CA10: variants seen among roughly 807,000 people sequenced by gnomAD.
CA10 encodes carbonic anhydrase-related protein 10.
Under a neutral mutation model 44.2 loss-of-function variants are expected in CA10, and 14 were observed. The ratio of observed to expected loss-of-function variants is 0.32; its 90% confidence interval spans 0.21 to 0.50. CA10 has a LOEUF of 0.50. Ranked by LOEUF, CA10 falls within the 20% of genes least tolerant of loss-of-function variation. CA10 has a pLI of 0.99. For synonymous variants in CA10, 159 were observed against 141.6 expected (o/e 1.12, Z -0.87); for missense variants, 350 against 409.7 (o/e 0.85, Z 1.26).
chr17:51,636,049 G>A, intron 6 of CA10, 40 bp from the exon 7 acceptor site: 1 of 1,396,574 alleles, frequency 7.2e-7, no homozygotes, highest in South Asian at 1.4e-5. Context: ...GGTTTCTTGA[G>A]AAAGGGATGG....
chr17:51,914,327 T>G (rs2143957159), intron 3 of CA10, among the ~76,000 whole-genome samples: 1 of 152,278 alleles, frequency 6.6e-6, no homozygotes, highest in South Asian at 2.1e-4. Flanking sequence ...AAATTAAAAC[T>G]ATGTGTTTTC....
At chr17:51,733,760 T>C (rs1458393018) in intron 4 of CA10, among the ~76,000 whole-genome samples, 1 of 152,164 alleles carries the variant, frequency 6.6e-6, no homozygotes, top group African/African-American at 2.4e-5. Context: ...CTTCTTACTG[T>C]TTCGGCTCTC....
chr17:51,667,967 A>T (rs1567795900), intron 4 of CA10, among the ~76,000 whole-genome samples: 1 of 152,106 alleles, frequency 6.6e-6, no homozygotes, highest in African/African-American at 2.4e-5. Context: ...TTTACTTGGA[A>T]ACCACCGGTC....
chr17:51,858,965 C>A (rs536285043), intron 3 of CA10, among the ~76,000 whole-genome samples: 2 of 151,586 alleles, frequency 1.3e-5, no homozygotes, highest in African/African-American at 2.4e-5. Flanking sequence ...AAAATGGGAA[C>A]AATAAGGGTA....
At chr17:52,149,437 G>A (rs1989657198) in intron 1 of CA10, among the ~76,000 whole-genome samples, 1 of 152,074 alleles carries the variant, frequency 6.6e-6, no homozygotes, top group African/African-American at 2.4e-5. Flanking sequence ...ACCCCACACT[G>A]GCTATCCCGT....
intron 2 of CA10, among the ~76,000 whole-genome samples, chr17:52,019,717 C>T (rs1986076124): frequency 6.6e-6 from 1 of 151,916 alleles, no homozygotes; most frequent in African/African-American, 2.4e-5. Context: ...TACCAGCATC[C>T]CAGAAGCCCC....
At position 52,065,454 on chromosome 17, in the gene CA10, G is replaced by A. The variant is rs563646576; in HGVS notation, c.136+6865C>T. Among the ~76,000 whole-genome samples, 35 of 152,186 alleles carry A rather than the reference G, an allele frequency of 2.3e-4. No individual in the cohort carries two copies. The East Asian group carries it at 3.1e-3, about 13-fold the overall frequency. ...GACCCAAGTTTGTTTGGCAAACATT[G>A]AGCCCCTGGTGCATGGAAGGCCTGA... is the stretch of plus-strand genomic sequence containing the variant. On this transcript the variant is annotated intron_variant, in intron 2 of 8. Transcript: ENST00000451037.
chr17:51,781,490 T>C (rs1298882717), intron 3 of CA10, among the ~76,000 whole-genome samples: 4 of 152,174 alleles, frequency 2.6e-5, no homozygotes, highest in African/African-American at 7.2e-5. Context: ...AGAGGGGAAG[T>C]CTTCAATGGA....
At chr17:51,809,428 A>G (rs945401527) in intron 3 of CA10, among the ~76,000 whole-genome samples, 2 of 152,224 alleles carry the variant, frequency 1.3e-5, no homozygotes, top group African/African-American at 4.8e-5. Context: ...AAGCTTGCCC[A>G]CAGAAGAGAT....
At chr17:51,650,361 C>A (rs569345742) in intron 5 of CA10, among the ~76,000 whole-genome samples, 4 of 152,228 alleles carry the variant, frequency 2.6e-5, no homozygotes, top group African/African-American at 4.8e-5. Context: ...TCTGATTTAT[C>A]TGAGGGTTGG....
chr17:51,819,088 A>C (rs1598060869), intron 3 of CA10, among the ~76,000 whole-genome samples: 1 of 152,368 alleles, frequency 6.6e-6, no homozygotes, highest in African/African-American at 2.4e-5. Context: ...AACCATGGCT[A>C]TCTGCCCAGT....
intron 1 of CA10, among the ~76,000 whole-genome samples, chr17:52,137,309 G>A (rs899309511): frequency 2.7e-4 from 41 of 152,122 alleles, no homozygotes; most frequent in African/African-American, 9.6e-4. Flanking sequence ...GGGTTGATGT[G>A]ACAATTAAAT....
chr17:51,813,333 G>A (rs556545267), intron 3 of CA10, among the ~76,000 whole-genome samples: 68 of 152,334 alleles, frequency 4.5e-4, no homozygotes, highest in South Asian at 2.7e-3. Context: ...TACGGTGCAG[G>A]TTTTTAAATT....
chr17:51,839,470 G>C lies in CA10; in HGVS notation c.279+91520C>G, dbSNP rs536693085. ...ATCGCACCACTGCACTCCAGCCTGG[G>C]TGACAGAGCAACAGAGCAAGACTCC... is the stretch of plus-strand genomic sequence containing the variant. On this transcript the variant is annotated intron_variant, in intron 3 of 8. Coordinates refer to ENST00000451037, the MANE Select transcript of CA10 (RefSeq NM_020178.5). Among the ~76,000 whole-genome samples the C allele has an allele frequency of 5.2e-4, 68 of 130,024 alleles. 1 individual carries two copies. The highest frequency in any genetic ancestry group is 2.3e-3 in the African/African-American group (67 of 29,300). 85.3% of individuals were successfully genotyped at this position (130,024 alleles called of 152,430 possible).
intron 4 of CA10, among the ~76,000 whole-genome samples, chr17:51,729,055 A>T (rs575369486): frequency 6.6e-6 from 1 of 152,212 alleles, no homozygotes; most frequent in Admixed American, 6.5e-5. Flanking sequence ...TGATCAGACC[A>T]TGCCTCTCCC....
intron 1 of CA10, among the ~76,000 whole-genome samples, chr17:52,125,618 G>A (rs1015676392): frequency 3.9e-5 from 6 of 152,008 alleles, no homozygotes; most frequent in East Asian, 1.9e-4. Flanking sequence ...ATCATTCTTC[G>A]GTCTCTTGAT....
At chr17:52,070,834 C>T (rs1223994823) in intron 2 of CA10, among the ~76,000 whole-genome samples, 1 of 152,152 alleles carries the variant, frequency 6.6e-6, no homozygotes, top group South Asian at 2.1e-4. Context: ...TTTGCAGTGA[C>T]CACCCAGTTC....
chr17:51,840,083 T>C (rs1475574715), intron 3 of CA10, among the ~76,000 whole-genome samples: 2 of 152,156 alleles, frequency 1.3e-5, no homozygotes, highest in Non-Finnish European at 2.9e-5. Flanking sequence ...GAATATTGGG[T>C]CCATAACTTA....
At chr17:51,937,696 C>T (rs896995208) in intron 2 of CA10, among the ~76,000 whole-genome samples, 2 of 152,084 alleles carry the variant, frequency 1.3e-5, no homozygotes, top group Non-Finnish European at 1.5e-5. Context: ...TCAGGACACT[C>T]AGTATGGTGG....
Sources: gnomAD v4.1 joint callset for allele counts (sites outside exome capture counted in the v4.1 genomes callset) on GRCh38, gnomAD v4.1.1 for gene constraint, MANE v1.5 for transcripts, NCBI Gene and HGNC (gene_info 2026-07-23, HGNC 2026-07-21) for gene names.